DMRT1: variants seen among roughly 807,000 people sequenced by gnomAD.
DMRT1 encodes the protein doublesex- and mab-3-related transcription factor 1.
A neutral mutation model predicts 32.3 loss-of-function variants in DMRT1; 7 were observed. The observed-to-expected ratio is 0.22, with a 90% CI of 0.12 to 0.41. The LOEUF (loss-of-function observed/expected upper bound fraction) is 0.41. Among genes scored for constraint, DMRT1 ranks in the 10% least tolerant of loss-of-function variants. The probability of loss-of-function intolerance (pLI) is 1.00; values close to 1 mark genes in which losing one functional copy is unlikely to be tolerated. For missense variants in DMRT1, 625 were observed against 500.5 expected, an observed-to-expected ratio of 1.25 and a Z score of -2.37; for synonymous variants, 278 against 206.1, an observed-to-expected ratio of 1.35 and a Z score of -2.99.
chr9:897,218 T>C (rs1355768825), intron 3 of DMRT1, among the ~76,000 whole-genome samples: 1 of 151,870 alleles, frequency 6.6e-6, no homozygotes, highest in African/African-American at 2.4e-5. Context: ...GTTCAAGTGA[T>C]TCTCCTGCCT....
Position 866,163 on chromosome 9 carries a change from C to CAAAAAAAAAAAAAAAAA in DMRT1, c.538+19027_538+19043dup, listed in dbSNP as rs71327351. ...TGGGTGACAGAGTGAGAGTCCATCT[C>CAAAAAAAAAAAAAAAAA]AAAAAAAAAAAAAAAAAAAAAAAGA... On this transcript the variant is annotated intron_variant, in intron 2 of 4. Coordinates refer to ENST00000382276, the MANE Select transcript of DMRT1 (RefSeq NM_021951.3). Among the ~76,000 whole-genome samples the CAAAAAAAAAAAAAAAAA allele has an allele frequency of 3.8e-5, 2 of 52,666 alleles. 1 individual carries two copies. The allele number at this position is 52,666 out of a possible 152,430, so 34.6% of individuals were successfully genotyped here. A position where few individuals can be genotyped will look rare whatever the true frequency, so the allele number is the denominator to read the frequency against.
chr9:902,154 C>G (rs894982228), intron 3 of DMRT1, among the ~76,000 whole-genome samples: 1 of 151,738 alleles, frequency 6.6e-6, no homozygotes, highest in African/African-American at 2.4e-5. Context: ...AGGTGATCCG[C>G]CCCCCTCAGC....
At chr9:856,421 C>A (rs1182997019) in intron 2 of DMRT1, among the ~76,000 whole-genome samples, 1 of 152,094 alleles carries the variant, frequency 6.6e-6, no homozygotes, top group Non-Finnish European at 1.5e-5. Context: ...CCTAGGCAGA[C>A]ACTAATAGAT....
intron 4 of DMRT1, among the ~76,000 whole-genome samples, chr9:940,668 C>A (rs1365077488): frequency 6.6e-6 from 1 of 151,928 alleles, no homozygotes; most frequent in Admixed American, 6.6e-5. Context: ...ACATTAAAGG[C>A]TCAGGTAACA....
intron 2 of DMRT1, among the ~76,000 whole-genome samples, chr9:869,502 C>G (rs1391022220): frequency 6.6e-6 from 1 of 152,166 alleles, no homozygotes; most frequent in African/African-American, 2.4e-5. Context: ...GTTGTTGTCT[C>G]TAGTGAATTC....
In DMRT1 at chr9:908,331, G is replaced by A. The variant is rs140133407; in HGVS notation, c.823-8432G>A. 3.7e-4 allele frequency among the ~76,000 whole-genome samples: 56 copies of A among 152,104 alleles called. 2 individuals are homozygous for A. The East Asian group carries it at 8.9e-3, about 24-fold the overall frequency. ...AATTTAGCTGGTCTTGGTGTTGTGC[G>A]CCTGTAGTTCTAGCTACTCAGGAGC... On this transcript the variant is annotated intron_variant, in intron 3 of 4. Transcript: ENST00000382276.
intron 2 of DMRT1, among the ~76,000 whole-genome samples, chr9:860,213 C>T (rs1479922188): frequency 6.6e-6 from 1 of 152,184 alleles, no homozygotes; most frequent in Non-Finnish European, 1.5e-5. Flanking sequence ...AGGAGAATGG[C>T]TTGAACCCTG....
intron 4 of DMRT1, among the ~76,000 whole-genome samples, chr9:954,012 G>A (rs1029781182): frequency 6.6e-6 from 1 of 152,100 alleles, no homozygotes; most frequent in African/African-American, 2.4e-5. Context: ...ATTAGAGGAG[G>A]TTGGCATTTG....
intron 2 of DMRT1, among the ~76,000 whole-genome samples, chr9:865,629 C>A (rs1472499834): frequency 6.6e-6 from 1 of 152,120 alleles, no homozygotes; most frequent in Non-Finnish European, 1.5e-5. Context: ...AAAAATGAAG[C>A]TACCTGAACA....
intron 4 of DMRT1, among the ~76,000 whole-genome samples, chr9:964,955 A>C (rs1819887405): frequency 6.6e-6 from 1 of 152,204 alleles, no homozygotes; most frequent in African/African-American, 2.4e-5. Flanking sequence ...TTTGAGTTGA[A>C]ATTAGCCTGG....
chr9:875,831 A>G (rs1816477814), intron 2 of DMRT1, among the ~76,000 whole-genome samples: 1 of 152,176 alleles, frequency 6.6e-6, no homozygotes. Context: ...ACACACATAT[A>G]TATTTACGCT....
At chr9:926,694 A>G (rs1408984257) in intron 4 of DMRT1, among the ~76,000 whole-genome samples, 6 of 130,918 alleles carry the variant, frequency 4.6e-5, no homozygotes, top group East Asian at 2.1e-4. Context: ...AGGTAGAGAG[A>G]GAGAGAGAGA....
At chr9:859,913 A>G (rs1815579613) in intron 2 of DMRT1, among the ~76,000 whole-genome samples, 1 of 152,364 alleles carries the variant, frequency 6.6e-6, no homozygotes, top group East Asian at 1.9e-4. Context: ...TTCAGCATAT[A>G]GTAACAGATG....
At chr9:925,863 C>G (rs562865087) in intron 4 of DMRT1, among the ~76,000 whole-genome samples, 2 of 152,198 alleles carry the variant, frequency 1.3e-5, no homozygotes, top group Non-Finnish European at 2.9e-5. Flanking sequence ...CGTGGAGGAA[C>G]TGAAGCTCAG....
At chr9:886,034 G>C (rs1816914951) in intron 2 of DMRT1, among the ~76,000 whole-genome samples, 2 of 152,142 alleles carry the variant, frequency 1.3e-5, no homozygotes, top group Admixed American at 1.3e-4. Flanking sequence ...TAGAGAGTGA[G>C]ATCTAGCTTA....
intron 2 of DMRT1, among the ~76,000 whole-genome samples, chr9:864,426 C>A (rs1349875311): frequency 2.0e-5 from 3 of 151,228 alleles, no homozygotes; most frequent in Non-Finnish European, 4.4e-5. Context: ...CTCCTGACCT[C>A]AGGTGATCTG....
intron 4 of DMRT1, among the ~76,000 whole-genome samples, chr9:957,879 G>A (rs573148572): frequency 9.9e-5 from 15 of 152,052 alleles, no homozygotes; most frequent in African/African-American, 2.7e-4. Flanking sequence ...ATGTGGTGGC[G>A]GGCGCCTGTA....
At chr9:887,384 T>C (rs1458678777) in intron 2 of DMRT1, among the ~76,000 whole-genome samples, 1 of 152,206 alleles carries the variant, frequency 6.6e-6, no homozygotes, top group Non-Finnish European at 1.5e-5. Context: ...AGGTCTGTTT[T>C]TTGTGCTTTG....
intron 1 of DMRT1, among the ~76,000 whole-genome samples, chr9:843,797 TATATA>T: frequency 6.6e-6 from 1 of 152,372 alleles, no homozygotes; most frequent in East Asian, 1.9e-4. Flanking sequence ...TATATGCTTT[TATATA>T]ATATATCAGA....
Sources: gnomAD v4.1 joint callset for allele counts (sites outside exome capture counted in the v4.1 genomes callset) on GRCh38, gnomAD v4.1.1 for gene constraint, MANE v1.5 for transcripts, NCBI Gene and HGNC (gene_info 2026-07-23, HGNC 2026-07-21) for gene names.